Variants in CACNA2D1 observed in about 807,000 individuals in gnomAD.
CACNA2D1 encodes calcium voltage-gated channel auxiliary subunit alpha2delta 1.
CACNA2D1 carries 53 observed loss-of-function variants against 171.5 expected under a neutral mutation model. The observed-to-expected ratio is 0.31, with a 90% confidence interval of 0.25 to 0.39. The LOEUF is 0.39. Among genes scored for constraint, CACNA2D1 ranks in the 10% least tolerant of loss-of-function variants. CACNA2D1 has a pLI of 1.00. For synonymous variants in CACNA2D1, 442 were observed against 443.1 expected (o/e 1.00, Z 0.03); for missense variants, 903 against 1,299.8 (o/e 0.69, Z 4.69).
intron 3 of CACNA2D1, among the ~76,000 whole-genome samples, chr7:82,279,343 G>T (rs1433745212): frequency 6.6e-6 from 1 of 152,018 alleles, no homozygotes; most frequent in Non-Finnish European, 1.5e-5. Context: ...TTTATCTGAA[G>T]TTATTACAAG....
At chr7:82,011,989 T>C (rs1562866709) in intron 15 of CACNA2D1, 165 bp downstream of exon 15, 5 of 639,940 alleles carry the variant, frequency 7.8e-6, no homozygotes, top group Admixed American at 2.4e-5. Flanking sequence ...TACGAGTCTA[T>C]GTTTTTATGT....
chr7:82,399,171 G>T (rs1415497153), intron 1 of CACNA2D1, among the ~76,000 whole-genome samples: 1 of 152,108 alleles, frequency 6.6e-6, no homozygotes, highest in African/African-American at 2.4e-5. Flanking sequence ...TTTCTGTATT[G>T]TAACTTAGCA....
chr7:82,197,261 A>G (rs1798945031), intron 3 of CACNA2D1, among the ~76,000 whole-genome samples: 1 of 152,010 alleles, frequency 6.6e-6, no homozygotes, highest in South Asian at 2.1e-4. Flanking sequence ...GTTTAAGGAA[A>G]ATTTATGAGA....
chr7:82,185,546 A>C (rs1459201591), intron 3 of CACNA2D1, among the ~76,000 whole-genome samples: 1 of 5,174 alleles, frequency 1.9e-4, no homozygotes. Context: ...GAGGAAGGGG[A>C]GGGGGAGGAG....
At chr7:82,274,085 C>T (rs932118952) in intron 3 of CACNA2D1, among the ~76,000 whole-genome samples, 2 of 152,104 alleles carry the variant, frequency 1.3e-5, no homozygotes, top group African/African-American at 4.8e-5. Flanking sequence ...TAAGCTCCAA[C>T]CACAGTGACC....
intron 3 of CACNA2D1, among the ~76,000 whole-genome samples, chr7:82,321,876 C>A (rs1012243177): frequency 6.6e-6 from 1 of 151,924 alleles, no homozygotes; most frequent in East Asian, 1.9e-4. Flanking sequence ...CCTGTAATCC[C>A]AGCACTTTGG....
At chr7:82,339,061 C>A (rs1818314735) in intron 2 of CACNA2D1, among the ~76,000 whole-genome samples, 1 of 152,072 alleles carries the variant, frequency 6.6e-6, no homozygotes, top group Non-Finnish European at 1.5e-5. Context: ...AGCAAATACA[C>A]CAGATACCTT....
chr7:82,183,300 C>T (rs530005138), intron 3 of CACNA2D1, among the ~76,000 whole-genome samples: 2 of 152,068 alleles, frequency 1.3e-5, no homozygotes, highest in East Asian at 1.9e-4. Context: ...TACATTGCCC[C>T]CAAACTGGTC....
chr7:82,262,605 A>G (rs750353135), intron 3 of CACNA2D1, among the ~76,000 whole-genome samples: 19 of 152,144 alleles, frequency 1.2e-4, no homozygotes, highest in Non-Finnish European at 2.5e-4. Context: ...ATGATACCCC[A>G]AAGTATGATG....
In CACNA2D1 at chr7:82,443,476, C is replaced by G; in HGVS notation, c.-17G>C. ...AGCAGCCATCTTCGCGATCGAAGAT[C>G]AATGCCCCCTCCCTGCCCAAGCGGG... On this transcript the variant is annotated 5_prime_UTR_variant, in exon 1 of 39. Coordinates refer to ENST00000356860, the MANE Select transcript of CACNA2D1 (RefSeq NM_000722.4). 6.2e-7 allele frequency: 1 copy of G among 1,605,718 alleles called. No individual in the cohort carries two copies. Among genetic ancestry groups the G allele is most frequent in the Non-Finnish European group, 8.5e-7 (1 of 1,175,910 alleles).
intron 6 of CACNA2D1, among the ~76,000 whole-genome samples, chr7:82,088,593 T>C (rs1468402710): frequency 1.3e-5 from 2 of 152,100 alleles, no homozygotes. Flanking sequence ...AATATCAATG[T>C]AAATTAGTAG....
intron 5 of CACNA2D1, among the ~76,000 whole-genome samples, chr7:82,122,972 A>C (rs901166634): frequency 1.3e-5 from 2 of 152,222 alleles, no homozygotes; most frequent in African/African-American, 4.8e-5. Flanking sequence ...AAGACTGGCT[A>C]AAGTCATACA....
intron 3 of CACNA2D1, among the ~76,000 whole-genome samples, chr7:82,299,211 AC>A (rs1812693206): frequency 6.6e-6 from 1 of 152,160 alleles, no homozygotes; most frequent in African/African-American, 2.4e-5. Context: ...TTGATCATAT[AC>A]CAAATTATTC....
intron 3 of CACNA2D1, among the ~76,000 whole-genome samples, chr7:82,171,286 T>C (rs2129149186): frequency 6.6e-6 from 1 of 152,112 alleles, no homozygotes; most frequent in East Asian, 1.9e-4. Context: ...ACATTGCTAG[T>C]GTCAGCCTGC....
At chr7:82,231,448 T>C (rs1023887743) in intron 3 of CACNA2D1, among the ~76,000 whole-genome samples, 4 of 152,182 alleles carry the variant, frequency 2.6e-5, no homozygotes, top group Admixed American at 1.3e-4. Flanking sequence ...GCTTGTTTAG[T>C]AGCTGACATT....
intron 10 of CACNA2D1, among the ~76,000 whole-genome samples, chr7:82,060,209 A>ATG (rs1806614731): frequency 1.8e-4 from 6 of 32,524 alleles, no homozygotes; most frequent in African/African-American, 7.4e-4. Context: ...TATTATATAT[A>ATG]TAATATATAT....
At chr7:82,155,240 T>C (rs1794263108) in intron 4 of CACNA2D1, among the ~76,000 whole-genome samples, 1 of 152,148 alleles carries the variant, frequency 6.6e-6, no homozygotes, top group South Asian at 2.1e-4. Flanking sequence ...TTATCCAGTA[T>C]CAGGTATTTC....
At chr7:81,991,445 A>C (rs1797532413) in intron 20 of CACNA2D1, among the ~76,000 whole-genome samples, 199 bp from the exon 21 acceptor site, 1 of 152,192 alleles carries the variant, frequency 6.6e-6, no homozygotes, top group South Asian at 2.1e-4. Context: ...ATGTAAGTGA[A>C]AAATCTTTAT....
intron 3 of CACNA2D1, among the ~76,000 whole-genome samples, chr7:82,296,224 C>T (rs1451180483): frequency 6.6e-6 from 1 of 151,408 alleles, no homozygotes; most frequent in Non-Finnish European, 1.5e-5. Flanking sequence ...CTAACCTGCA[C>T]ATTGTGCACA....
Sources: gnomAD v4.1 joint callset for allele counts (sites outside exome capture counted in the v4.1 genomes callset) on GRCh38, gnomAD v4.1.1 for gene constraint, MANE v1.5 for transcripts, NCBI Gene and HGNC (gene_info 2026-07-23, HGNC 2026-07-21) for gene names.